PLEKHD1: variants seen among roughly 807,000 people sequenced by gnomAD.
The protein encoded by PLEKHD1 is pleckstrin homology domain-containing family D member 1.
Under a neutral mutation model 69.2 loss-of-function variants are expected in PLEKHD1, and 51 were observed. The observed-to-expected ratio is 0.74, with a 90% confidence interval of 0.59 to 0.93. PLEKHD1 has a LOEUF of 0.93. Ranked by LOEUF, PLEKHD1 falls within the 40% of genes least tolerant of loss-of-function variation. The pLI is 0.00. For missense variants in PLEKHD1, 584 were observed against 641.0 expected (o/e 0.91, Z 0.96); for synonymous variants, 236 against 244.7 (o/e 0.96, Z 0.33).
At chr14:69,521,119 G>C (rs568013450) in intron 6 of PLEKHD1, among the ~76,000 whole-genome samples, 1 of 152,214 alleles carries the variant, frequency 6.6e-6, no homozygotes, top group Non-Finnish European at 1.5e-5. Context: ...CTGCCTGAGT[G>C]ACAGAGACTC....
intron 10 of PLEKHD1, 69 bp from the exon 11 acceptor site, chr14:69,527,119 G>T: frequency 2.7e-6 from 4 of 1,464,388 alleles, no homozygotes; most frequent in Non-Finnish European, 2.7e-6. Flanking sequence ...ACCAAGGAAG[G>T]CTTCCAGGGA....
At chr14:69,482,796 C>T (rs1403726147), upstream of PLEKHD1, among the ~76,000 whole-genome samples, 1 of 151,712 alleles carries the variant, frequency 6.6e-6, no homozygotes, top group Non-Finnish European at 1.5e-5. Flanking sequence ...AGCAGGACAC[C>T]TGTAATCCCA....
the PLEKHD1 span, among the ~76,000 whole-genome samples, chr14:69,477,796 G>A: frequency 6.6e-6 from 1 of 152,216 alleles, no homozygotes. Context: ...CTCCGCCCCT[G>A]TGGCTCTGCA....
At chr14:69,527,670 G>A in intron 11 of PLEKHD1, 113 bp from the exon 12 acceptor site, 2 of 1,356,948 alleles carry the variant, frequency 1.5e-6, no homozygotes, top group Non-Finnish European at 2.0e-6. Context: ...AATCTCGAGG[G>A]ACGGGGTCAA....
intron 5 of PLEKHD1, chr14:69,502,591 CA>C (rs1883053966): frequency 1.8e-6 from 1 of 546,204 alleles, no homozygotes; most frequent in Non-Finnish European, 3.3e-6. Flanking sequence ...TTTGAACTTC[CA>C]AGGATGAGGC....
At chr14:69,520,959 A>C (rs537906083) in intron 6 of PLEKHD1, among the ~76,000 whole-genome samples, 3 of 152,204 alleles carry the variant, frequency 2.0e-5, no homozygotes, top group African/African-American at 4.8e-5. Context: ...TGGTGTGCCC[A>C]GGAGGAGCAT....
chr14:69,516,184 C>T (rs1168194638), intron 6 of PLEKHD1, among the ~76,000 whole-genome samples: 1 of 152,224 alleles, frequency 6.6e-6, no homozygotes, highest in Non-Finnish European at 1.5e-5. Flanking sequence ...ACATGCTGAA[C>T]TGGAAACTGA....
chr14:69,520,166 CAAAAAAAAAAAAAAA>C (rs761343645), intron 6 of PLEKHD1, among the ~76,000 whole-genome samples: 5 of 20,512 alleles, frequency 2.4e-4, no homozygotes, highest in South Asian at 2.6e-3. Context: ...GACTCTGTCT[CAAAAAAAAAAAAAAA>C]AAAAAAAAAA....
Position 69,490,243 on chromosome 14 carries a change from CA to C in PLEKHD1, c.149+5130del, listed in dbSNP as rs61474541. On this transcript the variant is annotated intron_variant, in intron 1 of 12. Coordinates refer to ENST00000322564, the MANE Select transcript of PLEKHD1 (RefSeq NM_001161498.2). ...TCATGGAAGACAATTTTTCCAAGGA[CA>C]GGGGTGGGTGTGGGGGTGGTTTCAT... 8.6e-3 allele frequency among the ~76,000 whole-genome samples: 1,305 copies of C among 152,218 alleles called. 18 individuals carry two copies. Among genetic ancestry groups the C allele is most frequent in the African/African-American group, 0.03 (1,237 of 41,514 alleles).
intron 1 of PLEKHD1, among the ~76,000 whole-genome samples, chr14:69,490,882 A>C (rs995173405): frequency 6.6e-6 from 1 of 152,084 alleles, no homozygotes; most frequent in Admixed American, 6.6e-5. Flanking sequence ...GGAGGCTCGG[A>C]GAGGAGGGAG....
At chr14:69,515,576 C>CAGGAA (rs372675426) in intron 6 of PLEKHD1, among the ~76,000 whole-genome samples, 11 of 152,318 alleles carry the variant, frequency 7.2e-5, no homozygotes, top group African/African-American at 2.2e-4. Flanking sequence ...GCAGGCTTTA[C>CAGGAA]AGGAAGCATG....
chr14:69,497,288 G>C (rs1222480743), intron 1 of PLEKHD1, among the ~76,000 whole-genome samples: 2 of 152,258 alleles, frequency 1.3e-5, no homozygotes, highest in Non-Finnish European at 2.9e-5. Context: ...GAAAATGTCA[G>C]GTCTCTCTGA....
intron 6 of PLEKHD1, among the ~76,000 whole-genome samples, chr14:69,512,136 C>G (rs1183472078): frequency 6.6e-6 from 1 of 152,146 alleles, no homozygotes; most frequent in Non-Finnish European, 1.5e-5. Context: ...TTGTATCTTT[C>G]AAGGAGTTGG....
the PLEKHD1 span, among the ~76,000 whole-genome samples, chr14:69,478,977 A>C: frequency 2.0e-5 from 3 of 152,166 alleles, no homozygotes; most frequent in Non-Finnish European, 4.4e-5. Context: ...TGTTTGTATT[A>C]GCCTGGTTTT....
In PLEKHD1 at chr14:69,529,664, T is replaced by A. The variant is rs1172512463; in HGVS notation, c.*1245T>A. The stretch of plus-strand genomic sequence containing the variant: ...TTCCTGCTGGTCGAGAGATCACAGA[T>A]ATCTCCTTCCCAGCTGCCCCTGCTT... On this transcript the variant is annotated 3_prime_UTR_variant, in exon 13 of 13. Transcript: ENST00000322564. 1 of 152,232 alleles carries A rather than the reference T, an allele frequency of 6.6e-6. No individual in the cohort carries two copies. The highest frequency in any genetic ancestry group is 1.5e-5 in the Non-Finnish European group (1 of 68,062). The allele number at this position is 152,232 out of a possible 1,614,324, so 9.4% of individuals were successfully genotyped here.
intron 6 of PLEKHD1, among the ~76,000 whole-genome samples, chr14:69,516,297 A>T (rs946085468): frequency 5.3e-5 from 8 of 152,178 alleles, no homozygotes; most frequent in Admixed American, 5.2e-4. Flanking sequence ...GAATAAGAAA[A>T]TAAAATTTAT....
intron 1 of PLEKHD1, among the ~76,000 whole-genome samples, chr14:69,495,834 C>T (rs547412828): frequency 6.6e-6 from 1 of 152,318 alleles, no homozygotes; most frequent in African/African-American, 2.4e-5. Context: ...ACTCCCAATT[C>T]CCCCTAACCT....
the PLEKHD1 span, among the ~76,000 whole-genome samples, chr14:69,477,319 A>C: frequency 6.6e-6 from 1 of 152,132 alleles, no homozygotes; most frequent in Non-Finnish European, 1.5e-5. Flanking sequence ...ACTACCTCCC[A>C]CTGGCTTGCT....
At chr14:69,518,616 G>A (rs2139524214) in intron 6 of PLEKHD1, among the ~76,000 whole-genome samples, 1 of 152,266 alleles carries the variant, frequency 6.6e-6, no homozygotes, top group African/African-American at 2.4e-5. Context: ...TTCTTTTCAA[G>A]AATACAATTA....
Sources: allele counts gnomAD v4.1 joint callset (sites outside exome capture counted in the v4.1 genomes callset), GRCh38; gene constraint gnomAD v4.1.1; transcripts MANE v1.5; gene names NCBI Gene and HGNC (gene_info 2026-07-23, HGNC 2026-07-21).